Variants in COG5 observed in about 807,000 individuals in gnomAD.
The protein encoded by COG5 is component of oligomeric golgi complex 5, also known as conserved oligomeric Golgi complex subunit 5.
COG5 carries 86 observed loss-of-function variants against 110.4 expected under a neutral mutation model. The observed-to-expected ratio is 0.78, with a 90% CI of 0.65 to 0.93. COG5 has a LOEUF of 0.93. Ranked by LOEUF, COG5 falls within the 40% of genes least tolerant of loss-of-function variation. COG5 has a pLI of 0.00. For synonymous variants in COG5, 360 were observed against 334.6 expected, an observed-to-expected ratio of 1.08 and a Z score of -0.83; for missense variants, 1,077 against 987.0, an observed-to-expected ratio of 1.09 and a Z score of -1.22.
At chr7:107,288,534 T>C (rs892279744) in intron 12 of COG5, among the ~76,000 whole-genome samples, 2 of 152,124 alleles carry the variant, frequency 1.3e-5, no homozygotes, top group Non-Finnish European at 2.9e-5. Flanking sequence ...GGTTCTGATT[T>C]GTATTGTGGT....
intron 16 of COG5, chr7:107,253,012 C>A (rs1377374865): frequency 3.3e-5 from 5 of 152,068 alleles, no homozygotes; most frequent in Non-Finnish European, 5.9e-5. Flanking sequence ...TGCTTTACCC[C>A]CAGGTCAGAA....
chr7:107,241,635 G>T, intron 17 of COG5, among the ~76,000 whole-genome samples: 1 of 151,714 alleles, frequency 6.6e-6, no homozygotes, highest in East Asian at 1.9e-4. Flanking sequence ...TATATTTTTA[G>T]TAGAGACGGG....
chr7:107,451,766 C>T (rs1795356638), intron 6 of COG5, among the ~76,000 whole-genome samples: 1 of 152,104 alleles, frequency 6.6e-6, no homozygotes, highest in Admixed American at 6.5e-5. Context: ...ATTTTCTTTT[C>T]TCTAGCTTAT....
At chr7:107,440,021 A>G (rs910846228) in intron 6 of COG5, among the ~76,000 whole-genome samples, 10 of 152,194 alleles carry the variant, frequency 6.6e-5, no homozygotes, top group Non-Finnish European at 7.3e-5. Context: ...CTTGACTAAT[A>G]TATCACTGGG....
intron 6 of COG5, among the ~76,000 whole-genome samples, chr7:107,442,644 A>T (rs966734142): frequency 2.5e-5 from 1 of 40,330 alleles, no homozygotes; most frequent in African/African-American, 1.6e-4. Flanking sequence ...AATTTCACCT[A>T]AAAAAAAAAA....
At chr7:107,273,366 C>A (rs1249106849) in intron 14 of COG5, among the ~76,000 whole-genome samples, 1 of 152,120 alleles carries the variant, frequency 6.6e-6, no homozygotes, top group African/African-American at 2.4e-5. Context: ...TAAACCACAG[C>A]CTAACCTTGA....
chr7:107,502,396 C>A (rs1798693917), intron 6 of COG5, among the ~76,000 whole-genome samples: 1 of 152,020 alleles, frequency 6.6e-6, no homozygotes, highest in Admixed American at 6.6e-5. Flanking sequence ...ACATATACAT[C>A]ACGTTGTCTT....
At chr7:107,343,169 G>C (rs1811313480) in intron 10 of COG5, among the ~76,000 whole-genome samples, 1 of 152,058 alleles carries the variant, frequency 6.6e-6, no homozygotes, top group African/African-American at 2.4e-5. Flanking sequence ...CTAAATATTA[G>C]GTACTCATGG....
chr7:107,249,690 TTGTGTGTGTGTGTGTGTGTGTGTGTGTG>T (rs57572752), intron 16 of COG5, among the ~76,000 whole-genome samples: 5 of 131,656 alleles, frequency 3.8e-5, no homozygotes, highest in African/African-American at 5.4e-5. Flanking sequence ...ACGTACAGGA[TTGTGTGTGTGTGTGTGTGTGTGTGTGTG>T]TGTGTGTGTG....
intron 14 of COG5, among the ~76,000 whole-genome samples, chr7:107,279,937 T>C (rs1805033600): frequency 6.6e-6 from 1 of 152,092 alleles, no homozygotes; most frequent in African/African-American, 2.4e-5. Flanking sequence ...CATTACTATG[T>C]TAACTGAAGT....
intron 14 of COG5, among the ~76,000 whole-genome samples, chr7:107,269,549 T>C (rs1804078060): frequency 6.6e-6 from 1 of 152,150 alleles, no homozygotes; most frequent in Non-Finnish European, 1.5e-5. Context: ...AACAATGACA[T>C]GCATTTTAAA....
intron 18 of COG5, 27 bp from the exon 19 acceptor site, chr7:107,230,718 T>C: frequency 6.6e-7 from 1 of 1,524,264 alleles, no homozygotes. Context: ...TACTCCATTG[T>C]TGTAATGTCA....
At chr7:107,360,169 G>C (rs1231869035) in intron 10 of COG5, among the ~76,000 whole-genome samples, 1 of 152,234 alleles carries the variant, frequency 6.6e-6, no homozygotes, top group Non-Finnish European at 1.5e-5. Context: ...TCTACACTGA[G>C]GGCTGCACAG....
At chr7:107,219,727 T>TA (rs1217872207) in intron 19 of COG5, among the ~76,000 whole-genome samples, 1 of 152,112 alleles carries the variant, frequency 6.6e-6, no homozygotes, top group Non-Finnish European at 1.5e-5. Flanking sequence ...AAGTTACAGT[T>TA]AGACAGGAGG....
chr7:107,288,907 G>GATAGAT (rs1805887639), intron 12 of COG5, among the ~76,000 whole-genome samples: 1 of 94,150 alleles, frequency 1.1e-5, no homozygotes, highest in East Asian at 3.6e-4. Flanking sequence ...TTCTAACAGA[G>GATAGAT]ATATATATAT....
intron 11 of COG5, among the ~76,000 whole-genome samples, chr7:107,315,151 T>G (rs1288986507): frequency 1.4e-5 from 2 of 142,198 alleles, no homozygotes; most frequent in Non-Finnish European, 3.1e-5. Context: ...TTGCATACTA[T>G]TCTAATCTTT....
chr7:107,217,445 C>T (rs1799608230), intron 19 of COG5, among the ~76,000 whole-genome samples: 1 of 152,070 alleles, frequency 6.6e-6, no homozygotes, highest in South Asian at 2.1e-4. Flanking sequence ...ACTTACAGGG[C>T]AATATCCTTG....
chr7:107,270,408 T>C (rs1584601253), intron 14 of COG5, among the ~76,000 whole-genome samples: 1 of 152,028 alleles, frequency 6.6e-6, no homozygotes, highest in African/African-American at 2.4e-5. Flanking sequence ...ACATCAGATA[T>C]GTGCCACCAC....
rs116251259 is a variant in COG5 at position 107,363,423 on chromosome 7, A to G, written c.836-1003T>C. On this transcript the variant is annotated intron_variant, in intron 8 of 21. Coordinates refer to ENST00000297135, the MANE Select transcript of COG5 (RefSeq NM_006348.5). ...GGCTTCCACAACACAAATTTCAGAG[A>G]ATTTGGCCATCCAAAATAATACTGA... is the stretch of plus-strand genomic sequence containing the variant. Among the ~76,000 whole-genome samples the G allele has an allele frequency of 9.1e-3, 1,393 of 152,348 alleles. 19 individuals are homozygous for G. The highest frequency in any genetic ancestry group is 0.032 in the African/African-American group (1,331 of 41,576).
Sources: gnomAD v4.1 joint callset for allele counts (sites outside exome capture counted in the v4.1 genomes callset) on GRCh38, gnomAD v4.1.1 for gene constraint, MANE v1.5 for transcripts, NCBI Gene and HGNC (gene_info 2026-07-23, HGNC 2026-07-21) for gene names.